The following CLMP variants were observed in gnomAD, a reference collection of about 807,000 sequenced individuals.
The protein encoded by CLMP is CXADR like cell adhesion molecule, also known as CXADR-like membrane protein.
Under a neutral mutation model 45.2 loss-of-function variants are expected in CLMP, and 27 were observed. The observed-to-expected ratio is 0.60, with a 90% CI of 0.44 to 0.82. The LOEUF is 0.82. Among genes scored for constraint, CLMP ranks in the 40% least tolerant of loss-of-function variants. The pLI, the probability that CLMP is intolerant of heterozygous loss-of-function variation, is 0.00. For missense variants in CLMP, 403 were observed against 448.4 expected (o/e 0.90, Z 0.91); for synonymous variants, 167 against 171.4 (o/e 0.97, Z 0.20).
chr11:123,150,480 A>AAAGAAAGAAAGAAAGGAAGGAAGGAAGG (rs764502298), intron 1 of CLMP, among the ~76,000 whole-genome samples: 1 of 40,986 alleles, frequency 2.4e-5, no homozygotes, highest in Non-Finnish European at 4.7e-5. Flanking sequence ...AGAAAGAAAG[A>AAAGAAAGAAAGAAAGGAAGGAAGGAAGG]AAGGAAGGAA....
rs762196734 is a variant in CLMP at position 123,150,477 on chromosome 11, AAG to A, written c.28+44434_28+44435del. Among the ~76,000 whole-genome samples, 368 of 105,706 alleles carry A rather than the reference AAG, an allele frequency of 3.5e-3. 4 individuals are homozygous for A. The highest frequency in any genetic ancestry group is 6.7e-3 in the Non-Finnish European group (318 of 47,650). The allele number at this position is 105,706 out of a possible 152,430, so 69.3% of individuals were successfully genotyped here. A position where few individuals can be genotyped will look rare whatever the true frequency, so the allele number is the denominator to read the frequency against. Reference sequence around the variant, plus strand: ...AAAGAAAGAAAGAAAGAAAGAAAGAAAGAAAGGAAGGAAGGAAGGAAGGAAGG... The same window carrying A: ...AAAGAAAGAAAGAAAGAAAGAAAGAAAAAGGAAGGAAGGAAGGAAGGAAGG... On this transcript the variant is annotated intron_variant, in intron 1 of 6. Coordinates refer to ENST00000448775, the MANE Select transcript of CLMP (RefSeq NM_024769.5).
At chr11:123,178,961 GT>G (rs1591488362) in intron 1 of CLMP, among the ~76,000 whole-genome samples, 1 of 152,130 alleles carries the variant, frequency 6.6e-6, no homozygotes, top group African/African-American at 2.4e-5. Flanking sequence ...TTTAAAAAGT[GT>G]TTTTTTAGGG....
chr11:123,159,848 C>A (rs1005778787), intron 1 of CLMP, among the ~76,000 whole-genome samples: 4 of 152,154 alleles, frequency 2.6e-5, no homozygotes, highest in Admixed American at 2.0e-4. Flanking sequence ...AGGAATGTAT[C>A]AATTTTTTTG....
intron 1 of CLMP, among the ~76,000 whole-genome samples, chr11:123,183,778 C>T (rs534040463): frequency 6.6e-6 from 1 of 152,098 alleles, no homozygotes; most frequent in Non-Finnish European, 1.5e-5. Flanking sequence ...ACTGCCCACC[C>T]GATGTGCTGG....
At chr11:123,133,461 C>T (rs1234106430) in intron 1 of CLMP, among the ~76,000 whole-genome samples, 1 of 152,096 alleles carries the variant, frequency 6.6e-6, no homozygotes, top group African/African-American at 2.4e-5. Flanking sequence ...AAGAGTTACC[C>T]TACTTCCTAG....
Position 123,195,183 on chromosome 11 carries a change from A to G in CLMP, c.-243T>C, listed in dbSNP as rs1861965795. 1 of 283,654 alleles carries G rather than the reference A, an allele frequency of 3.5e-6. No homozygotes were observed. The highest frequency in any genetic ancestry group is 2.2e-5 in the African/African-American group (1 of 45,530). The allele number at this position is 283,654 out of a possible 1,614,324, so 17.6% of individuals were successfully genotyped here. ...AGCCGGGACCAGGGTCAGGGAGGAA[A>G]ACGCGAGGCGAAAAGGCGCTACCGC... On this transcript the variant is annotated 5_prime_UTR_variant, in exon 1 of 7. Transcript: ENST00000448775.
intron 1 of CLMP, among the ~76,000 whole-genome samples, chr11:123,106,145 A>ATTTT: frequency 6.8e-6 from 1 of 146,242 alleles, no homozygotes; most frequent in South Asian, 2.2e-4. Context: ...ATTTTATTCT[A>ATTTT]TTTTTTTTTT....
Position 123,070,276 on chromosome 11 carries a change from G to T in CLMP, c.*3198C>A, listed in dbSNP as rs576165605. On this transcript the variant is annotated 3_prime_UTR_variant, in exon 7 of 7. Coordinates refer to ENST00000448775, the MANE Select transcript of CLMP (RefSeq NM_024769.5). ...ATTTATTTTACTTGCAAAGTCAGTG[G>T]AATATGGTTTGGAACCAGTAGGGCC... The T allele has an allele frequency of 6.6e-6, 1 of 152,220 alleles. No individual in the cohort carries two copies. The highest frequency in any genetic ancestry group is 2.4e-5 in the African/African-American group (1 of 41,530). The allele number at this position is 152,220 out of a possible 1,614,324, so 9.4% of individuals were successfully genotyped here.
chr11:123,119,906 C>T (rs963443678), intron 1 of CLMP, among the ~76,000 whole-genome samples: 4 of 152,062 alleles, frequency 2.6e-5, no homozygotes, highest in East Asian at 3.9e-4. Flanking sequence ...AGGCTGGTCT[C>T]GAACTCCTGA....
chr11:123,137,147 CTTTTTTTTTTTT>C (rs375816483), intron 1 of CLMP, among the ~76,000 whole-genome samples: 8 of 82,466 alleles, frequency 9.7e-5, no homozygotes, highest in East Asian at 3.6e-4. Flanking sequence ...TTTTCTTTTT[CTTTTTTTTTTTT>C]TTTTTTTTTT....
chr11:123,172,393 G>A (rs999697141), intron 1 of CLMP, among the ~76,000 whole-genome samples: 3 of 152,122 alleles, frequency 2.0e-5, no homozygotes, highest in African/African-American at 4.8e-5. Flanking sequence ...TTACAGGCTT[G>A]AGCCACCGCA....
chr11:123,073,682 C>T lies in CLMP; in HGVS notation c.914G>A (p.Arg305His), dbSNP rs1311878878. 3.7e-6 allele frequency: 6 copies of T among 1,614,134 alleles called. No homozygotes were observed. In the South Asian group the frequency reaches 4.4e-5, roughly 12 times the overall value. The change falls in exon 7 of 7, where the codon CGC becomes CAC. Residue 305 changes from arginine to histidine, a missense_variant. Coordinates refer to ENST00000448775, the MANE Select transcript of CLMP (RefSeq NM_024769.5). ...GCGTGAGGCACTATTTGCTGTGGAG[C>T]GAGTGGAGGAAGAACCAGAGCGTGA... ...RSSRSGSSST[R>H]STANSASRSQ...
intron 1 of CLMP, among the ~76,000 whole-genome samples, chr11:123,156,033 C>T (rs542573086): frequency 1.3e-5 from 2 of 152,252 alleles, no homozygotes; most frequent in African/African-American, 4.8e-5. Flanking sequence ...AGTTCTAACC[C>T]TCAATGTGGC....
At chr11:123,139,017 T>C (rs781347234) in intron 1 of CLMP, among the ~76,000 whole-genome samples, 27 of 152,094 alleles carry the variant, frequency 1.8e-4, no homozygotes, top group Non-Finnish European at 4.0e-4. Context: ...TTCTGACACA[T>C]ACATTGTATA....
chr11:123,087,197 C>T (rs747244243), intron 2 of CLMP, among the ~76,000 whole-genome samples: 12 of 145,934 alleles, frequency 8.2e-5, no homozygotes, highest in Non-Finnish European at 1.4e-4. Context: ...ATTAGCCGGG[C>T]GTGATGGCGC....
chr11:123,097,705 T>G, intron 2 of CLMP, 90 bp downstream of exon 2: 2 of 1,056,866 alleles, frequency 1.9e-6, no homozygotes, highest in Non-Finnish European at 1.4e-6. Context: ...TCCAGCTCTT[T>G]CAGAGCCAGA....
At chr11:123,154,334 T>C (rs1033906516) in intron 1 of CLMP, among the ~76,000 whole-genome samples, 1 of 152,148 alleles carries the variant, frequency 6.6e-6, no homozygotes, top group African/African-American at 2.4e-5. Flanking sequence ...ATAGCTCTGC[T>C]AAATAGCTGT....
At chr11:123,136,210 A>C in intron 1 of CLMP, 8 of 646,050 alleles carry the variant, frequency 1.2e-5, no homozygotes, top group Non-Finnish European at 1.8e-5. Flanking sequence ...ACCAGCCAGG[A>C]ACACCACCCA....
intron 1 of CLMP, among the ~76,000 whole-genome samples, chr11:123,158,707 G>A (rs1861446725): frequency 6.6e-6 from 1 of 152,236 alleles, no homozygotes; most frequent in Admixed American, 6.5e-5. Flanking sequence ...GTTTAACACA[G>A]GGGCTTTGGA....
Sources: allele counts gnomAD v4.1 joint callset (sites outside exome capture counted in the v4.1 genomes callset), GRCh38; gene constraint gnomAD v4.1.1; transcripts MANE v1.5; gene names NCBI Gene and HGNC (gene_info 2026-07-23, HGNC 2026-07-21).